The following MAPK10 variants were observed in gnomAD, a reference collection of about 807,000 sequenced individuals.
MAPK10 encodes the protein JNK3 alpha protein kinase.
MAPK10 carries 25 observed loss-of-function variants against 59.3 expected under a neutral mutation model. The observed-to-expected ratio is 0.42, with a 90% CI of 0.31 to 0.59. The LOEUF is 0.59. Ranked by LOEUF, MAPK10 falls within the 20% of genes least tolerant of loss-of-function variation. The pLI is 0.15. For missense variants in MAPK10, 351 were observed against 568.9 expected, an observed-to-expected ratio of 0.62 and a Z score of 3.90; for synonymous variants, 190 against 200.5, an observed-to-expected ratio of 0.95 and a Z score of 0.44.
intron 1 of MAPK10, among the ~76,000 whole-genome samples, chr4:86,580,746 C>T (rs1373887088): frequency 6.6e-6 from 1 of 152,142 alleles, no homozygotes; most frequent in East Asian, 1.9e-4. Context: ...TAAATAAACC[C>T]TCCCTTCTAC....
chr4:86,189,708 ACTT>A (rs936004128), intron 3 of MAPK10, among the ~76,000 whole-genome samples: 4 of 152,082 alleles, frequency 2.6e-5, no homozygotes, highest in Non-Finnish European at 4.4e-5. Context: ...AGAAAATTTG[ACTT>A]CTTCTCTTCT....
At chr4:86,477,937 G>A (rs1753250773) in intron 1 of MAPK10, among the ~76,000 whole-genome samples, 6 of 152,092 alleles carry the variant, frequency 3.9e-5, no homozygotes, top group Admixed American at 3.9e-4. Flanking sequence ...AATTACCTGG[G>A]CTGTACTGCC....
intron 1 of MAPK10, among the ~76,000 whole-genome samples, chr4:86,510,634 T>A (rs909807425): frequency 1.3e-5 from 2 of 152,030 alleles, no homozygotes; most frequent in African/African-American, 4.8e-5. Context: ...TATATACATG[T>A]ATACAGATAT....
intron 11 of MAPK10, among the ~76,000 whole-genome samples, chr4:86,045,523 C>G (rs888162889): frequency 6.6e-6 from 1 of 152,028 alleles, no homozygotes; most frequent in African/African-American, 2.4e-5. Flanking sequence ...ACAGATCTAT[C>G]CTCCTGCCTT....
chr4:86,213,410 G>A (rs557111456), intron 2 of MAPK10, among the ~76,000 whole-genome samples: 6 of 152,000 alleles, frequency 3.9e-5, no homozygotes, highest in Non-Finnish European at 7.4e-5. Context: ...TGTTGAAATC[G>A]AAAGTTTGTT....
At chr4:86,580,059 T>C (rs1000947106) in intron 1 of MAPK10, among the ~76,000 whole-genome samples, 3 of 152,066 alleles carry the variant, frequency 2.0e-5, no homozygotes, top group Non-Finnish European at 2.9e-5. Context: ...GTGATCCTCC[T>C]GCCTCCCAAA....
chr4:86,242,117 G>T (rs1269652442), intron 2 of MAPK10, among the ~76,000 whole-genome samples: 1 of 151,868 alleles, frequency 6.6e-6, no homozygotes, highest in Admixed American at 6.6e-5. Context: ...CTTCTATAGG[G>T]CTCCTGCAGT....
chr4:86,160,961 A>T (rs2149233278), intron 3 of MAPK10, among the ~76,000 whole-genome samples: 1 of 142,714 alleles, frequency 7.0e-6, no homozygotes, highest in East Asian at 2.2e-4. Flanking sequence ...GGATCCAAGC[A>T]GCATCAGTGA....
chr4:86,415,812 A>G (rs1332559090), intron 1 of MAPK10, among the ~76,000 whole-genome samples: 3 of 152,240 alleles, frequency 2.0e-5, no homozygotes, highest in Non-Finnish European at 4.4e-5. Context: ...TCTTATAGGA[A>G]CTTACAATAG....
intron 1 of MAPK10, among the ~76,000 whole-genome samples, chr4:86,480,402 C>A (rs541876253): frequency 2.0e-5 from 3 of 152,180 alleles, no homozygotes; most frequent in Non-Finnish European, 2.9e-5. Context: ...AATGACCCCA[C>A]CCCTATCTCT....
chr4:86,251,029 A>T (rs1044596963), intron 2 of MAPK10, among the ~76,000 whole-genome samples: 4 of 142,892 alleles, frequency 2.8e-5, no homozygotes, highest in Non-Finnish European at 6.0e-5. Context: ...GAAGTGAAGG[A>T]ATTGTCCATC....
intron 1 of MAPK10, among the ~76,000 whole-genome samples, chr4:86,545,688 GA>G (rs1207255814): frequency 6.6e-6 from 1 of 152,208 alleles, no homozygotes; most frequent in Non-Finnish European, 1.5e-5. Context: ...TAATGGACAG[GA>G]AGGAGAAGAG....
chr4:86,329,901 G>A (rs1228240972), intron 2 of MAPK10, among the ~76,000 whole-genome samples: 1 of 152,118 alleles, frequency 6.6e-6, no homozygotes, highest in Non-Finnish European at 1.5e-5. Context: ...CACAAGCAAT[G>A]AAGCCACTAA....
chr4:86,216,511 A>C (rs186290635), intron 2 of MAPK10, among the ~76,000 whole-genome samples: 289 of 151,838 alleles, frequency 1.9e-3, no homozygotes, highest in African/African-American at 6.6e-3. Context: ...AAGAAAAACA[A>C]TGTATTTAAG....
At chr4:86,503,461 C>A (rs1415267840) in intron 1 of MAPK10, among the ~76,000 whole-genome samples, 1 of 152,120 alleles carries the variant, frequency 6.6e-6, no homozygotes, top group Non-Finnish European at 1.5e-5. Flanking sequence ...AAGTACCACA[C>A]TGATGGTATC....
intron 2 of MAPK10, among the ~76,000 whole-genome samples, chr4:86,223,430 T>C (rs2090030574): frequency 6.6e-6 from 1 of 152,188 alleles, no homozygotes; most frequent in Non-Finnish European, 1.5e-5. Context: ...CTACACACCA[T>C]TAGAACAGCA....
chr4:86,380,344 G>A (rs1740506645), intron 1 of MAPK10, among the ~76,000 whole-genome samples: 1 of 152,188 alleles, frequency 6.6e-6, no homozygotes, highest in Non-Finnish European at 1.5e-5. Context: ...TTGCAGGTCT[G>A]ATTTCCCTGA....
At chr4:86,180,566 A>G (rs2076710623) in intron 3 of MAPK10, among the ~76,000 whole-genome samples, 1 of 151,944 alleles carries the variant, frequency 6.6e-6, no homozygotes, top group Admixed American at 6.6e-5. Flanking sequence ...TTACTGCACT[A>G]TTCACAATAG....
intron 2 of MAPK10, among the ~76,000 whole-genome samples, chr4:86,339,633 T>A (rs151077611): frequency 1.5e-4 from 23 of 152,358 alleles, no homozygotes; most frequent in African/African-American, 3.6e-4. Flanking sequence ...ATTCTCTCAC[T>A]GTAGGACCTT....
Sources: gnomAD v4.1 joint callset for allele counts (sites outside exome capture counted in the v4.1 genomes callset) on GRCh38, gnomAD v4.1.1 for gene constraint, MANE v1.5 for transcripts, NCBI Gene and HGNC (gene_info 2026-07-23, HGNC 2026-07-21) for gene names.